The following UGT1A8 variants were observed in gnomAD, a reference collection of about 807,000 sequenced individuals.
UGT1A8 encodes UDP-glucuronosyltransferase 1A8.
UGT1A8 carries 39 observed loss-of-function variants against 45.3 expected under a neutral mutation model. That is an observed-to-expected ratio of 0.86 (90% CI 0.67 to 1.12). The LOEUF is 1.12. UGT1A8 is among the 50% of genes most tolerant of loss of function. The pLI is 0.00. For synonymous variants in UGT1A8, 275 were observed against 249.2 expected (o/e 1.10, Z -0.97); for missense variants, 719 against 664.9 (o/e 1.08, Z -0.90).
intron 1 of UGT1A8, among the ~76,000 whole-genome samples, chr2:233,669,224 A>G (rs2074133988): frequency 6.6e-6 from 1 of 151,858 alleles, no homozygotes; most frequent in Non-Finnish European, 1.5e-5. Context: ...GATTTGTAAT[A>G]AGTCTTGAAA....
At chr2:233,720,751 G>C (rs2076887751) in intron 1 of UGT1A8, among the ~76,000 whole-genome samples, 1 of 150,928 alleles carries the variant, frequency 6.6e-6, no homozygotes, top group African/African-American at 2.4e-5. Context: ...TGTCGCCCAG[G>C]CTGGAGGGCA....
At chr2:233,626,636 A>G (rs756549586) in intron 1 of UGT1A8, among the ~76,000 whole-genome samples, 2 of 152,062 alleles carry the variant, frequency 1.3e-5, no homozygotes, top group South Asian at 4.1e-4. Context: ...GGCATCTTCA[A>G]TGGTGTAATC....
intron 1 of UGT1A8, among the ~76,000 whole-genome samples, chr2:233,630,483 C>T (rs961014349): frequency 2.0e-5 from 3 of 152,114 alleles, no homozygotes; most frequent in African/African-American, 7.2e-5. Context: ...TTTCTTTGTG[C>T]AGGGCTGCAT....
chr2:233,690,468 A>G lies in UGT1A8; in HGVS notation c.855+71906A>G. ...CTATTCAAAATGCCAGCTATCCTCC[A>G]TTTACTTTTTGGGAAATCTGCTCTT... On this transcript the variant is annotated intron_variant, in intron 1 of 4. Transcript: ENST00000373450. 3 of 1,289,048 alleles carry G rather than the reference A, an allele frequency of 2.3e-6. No individual in the cohort carries two copies. The South Asian group carries it at 3.7e-5, about 16-fold the overall frequency. 79.9% of individuals were successfully genotyped at this position (1,289,048 alleles called of 1,614,324 possible).
chr2:233,697,214 T>C (rs919890050), intron 1 of UGT1A8, among the ~76,000 whole-genome samples: 2 of 152,152 alleles, frequency 1.3e-5, no homozygotes, highest in Non-Finnish European at 2.9e-5. Flanking sequence ...GTCCTGGGCT[T>C]TTCTTTGATG....
chr2:233,656,839 A>C (rs1334214070), intron 1 of UGT1A8, among the ~76,000 whole-genome samples: 3 of 151,824 alleles, frequency 2.0e-5, no homozygotes, highest in Non-Finnish European at 4.4e-5. Flanking sequence ...TTTTCTTTTC[A>C]GTTTACACGT....
At chr2:233,657,398 C>T (rs2073878787) in intron 1 of UGT1A8, among the ~76,000 whole-genome samples, 1 of 152,192 alleles carries the variant, frequency 6.6e-6, no homozygotes, top group Non-Finnish European at 1.5e-5. Context: ...GCTACTTCCA[C>T]TCATGGCAGA....
chr2:233,674,635 T>G (rs2074290934), intron 1 of UGT1A8, among the ~76,000 whole-genome samples: 1 of 123,470 alleles, frequency 8.1e-6, no homozygotes, highest in Non-Finnish European at 1.9e-5. Flanking sequence ...TCATTTATTT[T>G]GATTATAAAT....
chr2:233,641,055 G>A (rs1402777810), intron 1 of UGT1A8, among the ~76,000 whole-genome samples: 1 of 152,038 alleles, frequency 6.6e-6, no homozygotes, highest in East Asian at 1.9e-4. Context: ...TTATCTCACT[G>A]CAACCTTGGC....
At chr2:233,719,630 G>A in intron 1 of UGT1A8, 1 of 1,614,064 alleles carries the variant, frequency 6.2e-7, no homozygotes, top group Non-Finnish European at 8.5e-7. Flanking sequence ...GGCCGATCAT[G>A]CCCAACATGG....
chr2:233,717,321 G>T (rs563311292), intron 1 of UGT1A8, among the ~76,000 whole-genome samples: 1 of 152,328 alleles, frequency 6.6e-6, no homozygotes, highest in African/African-American at 2.4e-5. Flanking sequence ...AGCACTCTGT[G>T]TCCTCACAAA....
At chr2:233,711,219 A>AT (rs1297902329) in intron 1 of UGT1A8, among the ~76,000 whole-genome samples, 2 of 152,182 alleles carry the variant, frequency 1.3e-5, no homozygotes, top group Non-Finnish European at 2.9e-5. Flanking sequence ...CAGTGCTCCC[A>AT]TGTCGCTGAA....
At chr2:233,720,428 A>G (rs1040145834) in intron 1 of UGT1A8, among the ~76,000 whole-genome samples, 1 of 152,036 alleles carries the variant, frequency 6.6e-6, no homozygotes, top group African/African-American at 2.4e-5. Flanking sequence ...AGGAGATAAG[A>G]CCGTGAATCT....
chr2:233,765,338 A>G lies in UGT1A8; in HGVS notation c.856-1696A>G, dbSNP rs1698804627. On this transcript the variant is annotated intron_variant, in intron 1 of 4. Transcript: ENST00000373450. ...TTATTGCAGCACTATTCACAATAAC[A>G]AAGTCATGGAACCAACCCAGATGCC... Among the ~76,000 whole-genome samples the G allele has an allele frequency of 3.9e-5, 6 of 152,242 alleles. No individual in the cohort carries two copies. In the South Asian group the frequency reaches 1.0e-3, roughly 26 times the overall value.
At chr2:233,689,771 G>A (rs1359946569) in intron 1 of UGT1A8, 1 of 315,896 alleles carries the variant, frequency 3.2e-6, no homozygotes, top group Non-Finnish European at 6.3e-6. Flanking sequence ...AACAACTCGG[G>A]GACATATGTT....
At chr2:233,728,043 T>A (rs116287140) in intron 1 of UGT1A8, among the ~76,000 whole-genome samples, 14 of 152,218 alleles carry the variant, frequency 9.2e-5, no homozygotes, top group African/African-American at 3.1e-4. Context: ...AGGATAAGCC[T>A]CATTGGGCTT....
chr2:233,638,365 G>T lies in UGT1A8; in HGVS notation c.855+19803G>T, dbSNP rs149608937. On this transcript the variant is annotated intron_variant, in intron 1 of 4. Transcript: ENST00000373450. ...AATTAAAATTTTGGTTTTTGCATAT[G>T]TATCTTGTATCCAGCCACATCACTA... Among the ~76,000 whole-genome samples the T allele has an allele frequency of 2.0e-5, 3 of 152,182 alleles. No individual in the cohort carries two copies. In the East Asian group the frequency reaches 5.8e-4, roughly 29 times the overall value.
intron 4 of UGT1A8, 143 bp downstream of exon 4, chr2:233,768,582 CTTTTTTT>C (rs139595073): frequency 1.2e-4 from 124 of 1,032,798 alleles, no homozygotes; most frequent in East Asian, 4.8e-4. Context: ...TTTATTTCTT[CTTTTTTT>C]TTTTTTTTTT....
At chr2:233,699,062 C>T (rs143445197) in intron 1 of UGT1A8, among the ~76,000 whole-genome samples, 89 of 152,320 alleles carry the variant, frequency 5.8e-4, no homozygotes, top group Non-Finnish European at 1.1e-3. Flanking sequence ...TTATCCCAGC[C>T]CTGCCCAGGG....
Sources: allele counts gnomAD v4.1 joint callset (sites outside exome capture counted in the v4.1 genomes callset), GRCh38; gene constraint gnomAD v4.1.1; transcripts MANE v1.5; gene names NCBI Gene and HGNC (gene_info 2026-07-23, HGNC 2026-07-21).